Variants in AGBL1 observed in about 807,000 individuals in gnomAD.
AGBL1 encodes the protein cytosolic carboxypeptidase 4.
In AGBL1, 130 loss-of-function variants were observed where a neutral mutation model predicts 118.9. The observed-to-expected ratio is 1.09, with a 90% confidence interval of 0.95 to 1.26. AGBL1 has a LOEUF of 1.26. Ranked by LOEUF, AGBL1 falls within the 50% of genes most tolerant of loss-of-function variation. The pLI is 0.00. For synonymous variants in AGBL1, 555 were observed against 478.9 expected (o/e 1.16, Z -2.08); for missense variants, 1,584 against 1,298.1 (o/e 1.22, Z -3.38).
intron 18 of AGBL1, among the ~76,000 whole-genome samples, chr15:86,468,109 G>A (rs1167064816): frequency 2.0e-5 from 3 of 152,018 alleles, no homozygotes; most frequent in Non-Finnish European, 4.4e-5. Context: ...ATGAGAGTAG[G>A]GGGACAGATA....
At chr15:86,351,682 A>T (rs1457100341) in intron 17 of AGBL1, among the ~76,000 whole-genome samples, 2 of 152,040 alleles carry the variant, frequency 1.3e-5, no homozygotes, top group Non-Finnish European at 1.5e-5. Flanking sequence ...TGTACCCTGA[A>T]TTTTTTTATA....
At chr15:86,887,694 T>G (rs2079990123) in intron 22 of AGBL1, among the ~76,000 whole-genome samples, 2 of 152,184 alleles carry the variant, frequency 1.3e-5, no homozygotes, top group South Asian at 4.1e-4. Context: ...CCTGACATTG[T>G]TCCATGCACC....
At chr15:86,534,513 T>C (rs2083396871) in intron 19 of AGBL1, among the ~76,000 whole-genome samples, 2 of 152,192 alleles carry the variant, frequency 1.3e-5, no homozygotes, top group Admixed American at 6.5e-5. Flanking sequence ...AGCTTCTCAT[T>C]TGATGGGTCG....
intron 5 of AGBL1, among the ~76,000 whole-genome samples, chr15:86,221,674 G>A (rs904207269): frequency 2.6e-5 from 4 of 152,052 alleles, no homozygotes; most frequent in African/African-American, 9.7e-5. Context: ...CTTTCAGTTT[G>A]CTCATTAGTT....
intron 22 of AGBL1, among the ~76,000 whole-genome samples, chr15:86,770,499 G>A (rs2078161705): frequency 6.6e-6 from 1 of 151,976 alleles, no homozygotes; most frequent in African/African-American, 2.4e-5. Context: ...TGTCAGTAGT[G>A]CTAAGATTTA....
At chr15:86,359,425 G>A (rs569183418) in intron 17 of AGBL1, among the ~76,000 whole-genome samples, 91 of 81,120 alleles carry the variant, frequency 1.1e-3, no homozygotes, top group Admixed American at 7.4e-4. Flanking sequence ...TTCCACTATC[G>A]TGGTTTTTGT....
chr15:86,730,316 C>T (rs1207200636), intron 22 of AGBL1, among the ~76,000 whole-genome samples: 1 of 152,026 alleles, frequency 6.6e-6, no homozygotes, highest in Non-Finnish European at 1.5e-5. Flanking sequence ...TCAACAGAGT[C>T]AACAGACAGA....
intron 18 of AGBL1, among the ~76,000 whole-genome samples, chr15:86,483,390 G>A (rs1204731304): frequency 2.6e-5 from 4 of 152,030 alleles, no homozygotes; most frequent in African/African-American, 9.7e-5. Context: ...CGATGGTGGA[G>A]CCAGTCTTTC....
Position 86,554,410 on chromosome 15 carries a change from G to T in AGBL1, c.2867G>T (p.Ser956Ile). 1 of 1,588,356 alleles carries T rather than the reference G, an allele frequency of 6.3e-7. No individual in the cohort carries two copies. The highest frequency in any genetic ancestry group is 1.8e-5 in the Admixed American group (1 of 55,726). Reference sequence around the variant, plus strand: ...CTAGCACCAGCATTCACAATGAGCAGCTGCAGCTTTCTCGTGGAGAAATCT... The same window carrying T: ...CTAGCACCAGCATTCACAATGAGCATCTGCAGCTTTCTCGTGGAGAAATCT... The part of the protein sequence containing the change: ...DKLAPAFTMS[S>I]CSFLVEKSRA... The change falls in exon 21 of 23, where the codon AGC (serine) becomes ATC (isoleucine). Residue 956 changes from serine to isoleucine, a missense_variant. Coordinates refer to ENST00000614907, the MANE Select transcript of AGBL1 (RefSeq NM_001386094.1).
At chr15:86,109,049 T>C (rs1326248167) in intron 1 of AGBL1, among the ~76,000 whole-genome samples, 1 of 152,208 alleles carries the variant, frequency 6.6e-6, no homozygotes, top group Admixed American at 6.5e-5. Context: ...TCTTTTTTGA[T>C]TAAACATCTC....
At chr15:86,998,221 A>G (rs1196399281) in intron 24 of AGBL1, among the ~76,000 whole-genome samples, 1 of 152,176 alleles carries the variant, frequency 6.6e-6, no homozygotes. Flanking sequence ...GTGATAGGAT[A>G]CCACTTCAGT....
intron 1 of AGBL1, among the ~76,000 whole-genome samples, chr15:86,095,090 G>T (rs1896272096): frequency 6.8e-6 from 1 of 146,788 alleles, no homozygotes. Flanking sequence ...GGATAAAAAT[G>T]AATAGTCAGA....
chr15:86,307,735 TA>T (rs567239835), intron 17 of AGBL1, among the ~76,000 whole-genome samples: 1,676 of 149,954 alleles, frequency 0.011, 29 homozygotes, highest in African/African-American at 0.036. Context: ...GACCCTGTCT[TA>T]AAAAAAAAAT....
chr15:86,256,777 G>A, intron 7 of AGBL1, 76 bp from the exon 8 acceptor site: 1 of 1,462,340 alleles, frequency 6.8e-7, no homozygotes, highest in Non-Finnish European at 9.4e-7. Context: ...ACAGCTTGGA[G>A]AGTGTTATTA....
At chr15:86,649,342 A>G (rs1018553893) in intron 21 of AGBL1, among the ~76,000 whole-genome samples, 1 of 152,188 alleles carries the variant, frequency 6.6e-6, no homozygotes, top group Non-Finnish European at 1.5e-5. Context: ...AAGATGGGGA[A>G]GAATTGTTGA....
intron 22 of AGBL1, among the ~76,000 whole-genome samples, chr15:86,860,128 G>A (rs1487623017): frequency 2.6e-5 from 4 of 152,142 alleles, no homozygotes; most frequent in African/African-American, 4.8e-5. Flanking sequence ...TTCACCGACT[G>A]TAAAAACGGT....
At chr15:86,390,587 C>G (rs1470162370) in intron 17 of AGBL1, among the ~76,000 whole-genome samples, 2 of 149,952 alleles carry the variant, frequency 1.3e-5, no homozygotes, top group African/African-American at 4.9e-5. Context: ...CTGATGCATC[C>G]AACAACATAG....
chr15:86,516,161 A>G (rs2083118203), intron 18 of AGBL1, among the ~76,000 whole-genome samples: 1 of 152,226 alleles, frequency 6.6e-6, no homozygotes, highest in African/African-American at 2.4e-5. Flanking sequence ...AACAGGGCAG[A>G]GAAAGCCATT....
At chr15:86,098,099 G>A (rs548351341) in intron 1 of AGBL1, among the ~76,000 whole-genome samples, 2 of 152,052 alleles carry the variant, frequency 1.3e-5, no homozygotes, top group African/African-American at 4.8e-5. Flanking sequence ...TATACTTGTT[G>A]ACCATTTGTA....
Sources: allele counts gnomAD v4.1 joint callset (sites outside exome capture counted in the v4.1 genomes callset), GRCh38; gene constraint gnomAD v4.1.1; transcripts MANE v1.5; gene names NCBI Gene and HGNC (gene_info 2026-07-23, HGNC 2026-07-21).